Variants in CPS1 observed in about 807,000 individuals in gnomAD.
CPS1 encodes carbamoyl-phosphate synthase 1.
A neutral mutation model predicts 174.6 loss-of-function variants in CPS1; 109 were observed. That is an observed-to-expected ratio of 0.62 (90% CI 0.53 to 0.73). The LOEUF (loss-of-function observed/expected upper bound fraction) is 0.73. Ranked by LOEUF, CPS1 falls within the 30% of genes least tolerant of loss-of-function variation. The probability of loss-of-function intolerance (pLI) is 0.00; values close to 1 mark genes in which losing one functional copy is unlikely to be tolerated. For missense variants in CPS1, 1,689 were observed against 1,821.9 expected, an observed-to-expected ratio of 0.93 and a Z score of 1.33; for synonymous variants, 637 against 632.0, an observed-to-expected ratio of 1.01 and a Z score of -0.12.
chr2:210,592,306 T>C (rs543679866), intron 10 of CPS1, among the ~76,000 whole-genome samples: 1 of 152,172 alleles, frequency 6.6e-6, no homozygotes, highest in Non-Finnish European at 1.5e-5. Context: ...GAAAAACAGC[T>C]ATAGGTTTTC....
In CPS1 at chr2:210,656,680, A is replaced by G. The variant is rs148108960; in HGVS notation, c.3666+48A>G. On this transcript the variant is annotated intron_variant, in intron 30 of 37. Transcript: ENST00000233072. ...GGAAGGGAAAAGGCAACACTCAGAA[A>G]AAAACACCTAAGGTTTTTTTTTTTT... The G allele has an allele frequency of 2.1e-4, 305 of 1,423,210 alleles. No individual in the cohort carries two copies. The African/African-American group carries it at 3.8e-3, about 18-fold the overall frequency. The allele number at this position is 1,423,210 out of a possible 1,614,324, so 88.2% of individuals were successfully genotyped here.
intron 1 of CPS1, among the ~76,000 whole-genome samples, chr2:210,486,670 G>A (rs367994287): frequency 2.0e-4 from 30 of 152,096 alleles, no homozygotes; most frequent in East Asian, 9.6e-4. Flanking sequence ...ACCACCACAT[G>A]CAGCTAATTT....
At chr2:210,580,218 A>G (rs982499759) in intron 5 of CPS1, among the ~76,000 whole-genome samples, 2 of 152,184 alleles carry the variant, frequency 1.3e-5, no homozygotes, top group Non-Finnish European at 2.9e-5. Flanking sequence ...TGAAAGAGTT[A>G]TTTGTAAAAT....
At chr2:210,613,457 G>A (rs1699198221) in intron 20 of CPS1, among the ~76,000 whole-genome samples, 1 of 151,528 alleles carries the variant, frequency 6.6e-6, no homozygotes, top group African/African-American at 2.4e-5. Context: ...GTGGCGGGTG[G>A]GATAGCAGTG....
chr2:210,612,418 C>A (rs1574592289), intron 20 of CPS1, 125 bp downstream of exon 20: 3 of 888,208 alleles, frequency 3.4e-6, no homozygotes, highest in Middle Eastern at 2.8e-4. Flanking sequence ...ATTTTTAATT[C>A]TTTTATAGTA....
chr2:210,601,604 A>G (rs544139898), intron 15 of CPS1, among the ~76,000 whole-genome samples: 1 of 152,120 alleles, frequency 6.6e-6, no homozygotes, highest in Non-Finnish European at 1.5e-5. Context: ...AGAAACAGGC[A>G]TATGGGAAAG....
chr2:210,573,516 T>C, intron 2 of CPS1, 109 bp downstream of exon 2: 2 of 885,560 alleles, frequency 2.3e-6, no homozygotes, highest in Non-Finnish European at 3.7e-6. Flanking sequence ...AGACTACGTA[T>C]TGTCCTGAAG....
At position 210,668,076 on chromosome 2, in the gene CPS1, ATGTGTGTGTGTGTGTG is replaced by A. The variant is rs3217217; in HGVS notation, c.4003-96_4003-81del. On this transcript the variant is annotated intron_variant, in intron 33 of 37. Transcript: ENST00000233072. ...TAAAGTACTTTCCATTTGTGCGTGC[ATGTGTGTGTGTGTGTG>A]TGTGTGTGTGTGTATTTTAATTTTA... 1.2e-3 allele frequency: 789 copies of A among 664,168 alleles called. 5 individuals are homozygous for A. In the African/African-American group the frequency reaches 0.012, roughly 10 times the overall value. 41.1% of individuals were successfully genotyped at this position (664,168 alleles called of 1,614,324 possible).
intron 11 of CPS1, chr2:210,593,808 C>A: frequency 2.9e-6 from 1 of 344,090 alleles, no homozygotes; most frequent in Non-Finnish European, 4.1e-6. Context: ...TCTTAATAGC[C>A]AAAATCAGTA....
chr2:210,495,970 T>C (rs1694982372), intron 1 of CPS1, among the ~76,000 whole-genome samples: 2 of 151,142 alleles, frequency 1.3e-5, no homozygotes, highest in South Asian at 4.2e-4. Flanking sequence ...TTCCTTACCT[T>C]CCTCCCCTCT....
At chr2:210,480,472 G>A (rs1246012195) in intron 1 of CPS1, among the ~76,000 whole-genome samples, 3 of 152,190 alleles carry the variant, frequency 2.0e-5, no homozygotes, top group African/African-American at 2.4e-5. Context: ...CAGCAAAGGC[G>A]CAGCATGCTA....
chr2:210,663,369 G>A (rs1363894289), intron 33 of CPS1, among the ~76,000 whole-genome samples, 172 bp downstream of exon 33: 2 of 152,230 alleles, frequency 1.3e-5, no homozygotes, highest in East Asian at 1.9e-4. Flanking sequence ...TTTGAATAGG[G>A]TCTAAATTCT....
chr2:210,549,776 A>G (rs1367929355), intron 1 of CPS1, among the ~76,000 whole-genome samples: 3 of 151,982 alleles, frequency 2.0e-5, no homozygotes, highest in South Asian at 4.1e-4. Flanking sequence ...TAGGTTTTCA[A>G]TTTTCTACAA....
At chr2:210,565,587 A>G (rs1031076285) in intron 1 of CPS1, among the ~76,000 whole-genome samples, 5 of 152,206 alleles carry the variant, frequency 3.3e-5, no homozygotes, top group Non-Finnish European at 5.9e-5. Context: ...TGCAGCCACA[A>G]TTTAAACATA....
At chr2:210,513,069 T>TAA (rs1695569601) in intron 1 of CPS1, among the ~76,000 whole-genome samples, 1 of 127,588 alleles carries the variant, frequency 7.8e-6, no homozygotes. Context: ...GAGATATATA[T>TAA]GTGGAGATAT....
Position 210,675,856 on chromosome 2 carries a change from A to T in CPS1, c.4274+16A>T, listed in dbSNP as rs372431552. 131 of 1,125,186 alleles carry T rather than the reference A, an allele frequency of 1.2e-4. No homozygotes were observed. The highest frequency in any genetic ancestry group is 1.7e-4 in the Non-Finnish European group (126 of 733,638). The allele number at this position is 1,125,186 out of a possible 1,614,324, so 69.7% of individuals were successfully genotyped here. A position where few individuals can be genotyped will look rare whatever the true frequency, so the allele number is the denominator to read the frequency against. ...CCATCAGAAAGTAAGAACTAGGCAT[A>T]CTGTTTTCTGAAATAATTTAGAGGA... On this transcript the variant is annotated intron_variant, in intron 36 of 37. Coordinates refer to ENST00000233072, the MANE Select transcript of CPS1 (RefSeq NM_001875.5).
intron 21 of CPS1, among the ~76,000 whole-genome samples, chr2:210,625,370 A>G (rs1699667081): frequency 6.6e-6 from 1 of 152,120 alleles, no homozygotes; most frequent in African/African-American, 2.4e-5. Flanking sequence ...TGTGAGAAGC[A>G]GAAATATGAA....
chr2:210,557,185 A>G (rs1289425018), intron 1 of CPS1, among the ~76,000 whole-genome samples: 1 of 152,058 alleles, frequency 6.6e-6, no homozygotes, highest in African/African-American at 2.4e-5. Flanking sequence ...TACAGTTTGG[A>G]TTTAAAAAAT....
chr2:210,513,981 A>C (rs1202433056), intron 1 of CPS1, among the ~76,000 whole-genome samples: 1 of 151,990 alleles, frequency 6.6e-6, no homozygotes, highest in East Asian at 1.9e-4. Flanking sequence ...GAGTTTGTCA[A>C]AGATCAGATG....
Sources: allele counts gnomAD v4.1 joint callset (sites outside exome capture counted in the v4.1 genomes callset), GRCh38; gene constraint gnomAD v4.1.1; transcripts MANE v1.5; gene names NCBI Gene and HGNC (gene_info 2026-07-23, HGNC 2026-07-21).